The following CD22 variants were observed in gnomAD, a reference collection of about 807,000 sequenced individuals.
CD22 encodes CD22 molecule, also known as B-cell receptor CD22.
Under a neutral mutation model 94.7 loss-of-function variants are expected in CD22, and 51 were observed. The ratio of observed to expected loss-of-function variants is 0.54; its 90% CI spans 0.43 to 0.68. The LOEUF (loss-of-function observed/expected upper bound fraction) is 0.68, where lower values mean the gene tolerates loss of function less well. Among genes scored for constraint, CD22 ranks in the 30% least tolerant of loss-of-function variants. The pLI is 0.00. For synonymous variants in CD22, 424 were observed against 422.5 expected, an observed-to-expected ratio of 1.00 and a Z score of -0.04; for missense variants, 931 against 1,060.4, an observed-to-expected ratio of 0.88 and a Z score of 1.69.
chr19:35,341,524 A>C lies in CD22; in HGVS notation c.1689A>C (p.Pro563=). 2 of 1,614,140 alleles carry C rather than the reference A, an allele frequency of 1.2e-6. No individual in the cohort carries two copies. The highest frequency in any genetic ancestry group is 1.7e-6 in the Non-Finnish European group (2 of 1,180,026). The change falls in exon 8 of 14, where the codon CCA becomes CCC. Residue 563 remains proline, a synonymous_variant. Transcript: ENST00000085219. The surrounding 1 kb of genome is among the most constrained non-coding windows in gnomAD (Gnocchi z 4.0). ...ESQLNFDSIS[P]EDAGSYSCWV... is the part of the protein sequence containing the mutation. Reference sequence around the variant, plus strand: ...AGCTGAATTTTGACTCCATCTCCCCAGAAGATGCTGGGAGTTACAGCTGCT... The same window carrying C: ...AGCTGAATTTTGACTCCATCTCCCCCGAAGATGCTGGGAGTTACAGCTGCT...
At chr19:35,342,886 C>CT in intron 9 of CD22, among the ~76,000 whole-genome samples, 1 of 151,998 alleles carries the variant, frequency 6.6e-6, no homozygotes, top group Non-Finnish European at 1.5e-5. Flanking sequence ...TCACGGCTCA[C>CT]TGCAAGCTCT....
At chr19:35,342,137 C>T (rs1046258658) in intron 9 of CD22, among the ~76,000 whole-genome samples, 172 bp downstream of exon 9, 3 of 149,468 alleles carry the variant, frequency 2.0e-5, no homozygotes, top group Admixed American at 6.7e-5. Flanking sequence ...TGCTTTCTCC[C>T]TCTCCTCCTC....
At position 35,341,120 on chromosome 19, in the gene CD22, G is replaced by A; in HGVS notation, c.1489G>A (p.Val497Ile). 2 of 1,614,196 alleles carry A rather than the reference G, an allele frequency of 1.2e-6. No individual in the cohort carries two copies. The highest frequency in any genetic ancestry group is 1.7e-6 in the Non-Finnish European group (2 of 1,180,036). Residue 497 changes from valine (V) to isoleucine (I), a missense_variant, in exon 7 of 14, where the codon GTC becomes ATC. By Grantham distance (29) the Val-to-Ile change is conservative. Transcript: ENST00000085219. The surrounding 1 kb of genome is among the most constrained non-coding windows in gnomAD (Gnocchi z 4.0). The part of the protein sequence containing the change: ...CNSWCSWASP[V>I]ALNVQYAPRD... Reference sequence around the variant, plus strand: ...TAGTTGGTGCTCGTGGGCCTCCCCTGTCGCCCTGAATGTCCAGTGTGAGTC... The same window carrying A: ...TAGTTGGTGCTCGTGGGCCTCCCCTATCGCCCTGAATGTCCAGTGTGAGTC...
At chr19:35,334,165 G>A (rs995249342) in intron 3 of CD22, among the ~76,000 whole-genome samples, 2 of 152,168 alleles carry the variant, frequency 1.3e-5, no homozygotes, top group African/African-American at 4.8e-5. Context: ...GTGACCTCCC[G>A]ATCGTCAAAG....
At chr19:35,335,077 C>CAAAAA (rs35391333) in intron 3 of CD22, among the ~76,000 whole-genome samples, 29 of 73,660 alleles carry the variant, frequency 3.9e-4, no homozygotes, top group Non-Finnish European at 6.4e-4. Context: ...GACTCTGTCT[C>CAAAAA]AAAAAAAAAA....
rs751135932 is a variant in CD22, at chr19:35,346,138, C to T, written c.2328-13C>T. The T allele has an allele frequency of 1.2e-5, 19 of 1,605,354 alleles. No individual in the cohort carries two copies. The highest frequency in any genetic ancestry group is 3.3e-5 in the Admixed American group (2 of 59,980). ...TGCTTCATGCGTGGTCGTCTATCTG[C>T]CCTGTCTCTCAGAGATGCAGAGTCC... On this transcript the variant is annotated splice_polypyrimidine_tract_variant and intron_variant, in intron 12 of 13. Coordinates refer to ENST00000085219, the MANE Select transcript of CD22 (RefSeq NM_001771.4).
At chr19:35,339,071 C>CA (rs983596220) in intron 6 of CD22, among the ~76,000 whole-genome samples, 9 of 151,918 alleles carry the variant, frequency 5.9e-5, no homozygotes, top group East Asian at 2.0e-4. Flanking sequence ...ACCATCTCTA[C>CA]AAAAAAATAC....
At position 35,346,660 on chromosome 19, in the gene CD22, C is replaced by A; in HGVS notation, c.2507C>A (p.Ala836Glu). 6.2e-7 allele frequency: 1 copy of A among 1,609,596 alleles called. No homozygotes were observed. Among genetic ancestry groups the A allele is most frequent in the Non-Finnish European group, 8.5e-7 (1 of 1,177,932 alleles). Residue 836 changes from alanine (A) to glutamate (E), a missense_variant, in exon 14 of 14, where the codon GCA (alanine) becomes GAA (glutamate). Physicochemically the swap from Ala to Glu is moderately radical, Grantham distance 107. Coordinates refer to ENST00000085219, the MANE Select transcript of CD22 (RefSeq NM_001771.4). ...IQFGVGERPQAQENVDYVILK... is the reference protein window; with the variant it reads ...IQFGVGERPQEQENVDYVILK... ...TTTGGGGTCGGGGAGCGGCCTCAGG[C>A]ACAAGAAAATGTGGACTATGTGATC...
intron 6 of CD22, 152 bp downstream of exon 6, chr19:35,338,583 C>T: frequency 1.3e-6 from 1 of 754,050 alleles, no homozygotes; most frequent in Non-Finnish European, 2.1e-6. Flanking sequence ...CAGCTCCTAG[C>T]ATAGGGCCTG....
intron 6 of CD22, among the ~76,000 whole-genome samples, chr19:35,339,025 A>C (rs1599682221): frequency 6.6e-6 from 1 of 151,666 alleles, no homozygotes; most frequent in Non-Finnish European, 1.5e-5. Context: ...TCTTGAACCC[A>C]GGAGTTTGAA....
rs1458185805 is a variant in CD22 at position 35,337,559 on chromosome 19, C to T, written c.719-196C>T. Among the ~76,000 whole-genome samples the T allele has an allele frequency of 6.6e-6, 1 of 152,114 alleles. No individual in the cohort carries two copies. Among genetic ancestry groups the T allele is most frequent in the African/African-American group, 2.4e-5 (1 of 41,416 alleles). ...AGGTCTGGTAGATGGTGTTAGGAACCCTGCGTGCTGCTGGTGGAGACCAAG... is the reference window on the plus strand; with the variant it reads ...AGGTCTGGTAGATGGTGTTAGGAACTCTGCGTGCTGCTGGTGGAGACCAAG... On this transcript the variant is annotated intron_variant, in intron 4 of 13. Transcript: ENST00000085219. The surrounding 1 kb of genome is among the most constrained non-coding windows in gnomAD (Gnocchi z 4.4).
chr19:35,335,298 G>A (rs79629593), intron 3 of CD22, among the ~76,000 whole-genome samples: 65 of 152,270 alleles, frequency 4.3e-4, no homozygotes, highest in African/African-American at 1.5e-3. Flanking sequence ...GTTCCCGCCT[G>A]TAACCCCAGC....
chr19:35,331,811 C>T, intron 1 of CD22: 1 of 970,144 alleles, frequency 1.0e-6, no homozygotes, highest in Non-Finnish European at 1.4e-6. Context: ...CACACCACTG[C>T]ACTCTAGCCT....
intron 5 of CD22, 63 bp downstream of exon 5, chr19:35,338,084 G>C: frequency 1.9e-6 from 3 of 1,574,718 alleles, no homozygotes; most frequent in Admixed American, 1.7e-5. Flanking sequence ...CCCGGAGAGG[G>C]GAGCCACGGG....
rs369129095 is a variant in CD22 at position 35,341,565 on chromosome 19, T to C, written c.1730T>C (p.Ile577Thr). ...GSYSCWVNNS[I>T]GQTASKAWTL... ...TACAGCTGCTGGGTGAACAACTCCA[T>C]AGGACAGACAGCGTCCAAGGCCTGG... Residue 577 changes from isoleucine (I) to threonine (T), a missense_variant, in exon 8 of 14, where the codon ATA (isoleucine) becomes ACA (threonine). Physicochemically the swap from Ile to Thr is moderately conservative, Grantham distance 89 (BLOSUM62 -1). Transcript: ENST00000085219. This position sits in a 1 kb window ranked among gnomAD's most constrained non-coding sequence, Gnocchi z 4.0. The C allele has an allele frequency of 1.9e-6, 3 of 1,613,802 alleles. No homozygotes were observed. The highest frequency in any genetic ancestry group is 2.5e-6 in the Non-Finnish European group (3 of 1,179,916).
intron 9 of CD22, 59 bp downstream of exon 9, chr19:35,342,024 TC>T (rs2066819680): frequency 2.1e-6 from 2 of 960,302 alleles, no homozygotes; most frequent in Non-Finnish European, 2.9e-6. Context: ...CTTCCTTCCT[TC>T]CTTCCTTCCT....
At chr19:35,333,436 C>G (rs1286930001) in intron 3 of CD22, among the ~76,000 whole-genome samples, 1 of 152,194 alleles carries the variant, frequency 6.6e-6, no homozygotes, top group African/African-American at 2.4e-5. Flanking sequence ...GGCAGAGGCC[C>G]CAGACCTGTG....
rs745859309 is a variant in CD22 at position 35,342,009 on chromosome 19, C to CCTTCCTTT, written c.2035+51_2035+52insTCTTCCTT. 59 of 351,844 alleles carry CCTTCCTTT rather than the reference C, an allele frequency of 1.7e-4. No individual in the cohort carries two copies. The African/African-American group carries it at 6.7e-3, about 40-fold the overall frequency. 21.8% of individuals were successfully genotyped at this position (351,844 alleles called of 1,614,324 possible). A position where few individuals can be genotyped will look rare whatever the true frequency, so the allele number is the denominator to read the frequency against. ...CTTGTTCTTCTTGGTGGTGGTCAGT[C>CCTTCCTTT]CTTCCTTCCTTCCTTCCTTCCTTCC... is the stretch of plus-strand genomic sequence containing the variant. On this transcript the variant is annotated intron_variant, in intron 9 of 13. Coordinates refer to ENST00000085219, the MANE Select transcript of CD22 (RefSeq NM_001771.4).
At chr19:35,344,350 C>T (rs2066867153) in intron 9 of CD22, among the ~76,000 whole-genome samples, 1 of 152,232 alleles carries the variant, frequency 6.6e-6, no homozygotes, top group Admixed American at 6.5e-5. Flanking sequence ...GCCTGAGAGC[C>T]TCCTCTTTTT....
Sources: gnomAD v4.1 joint callset for allele counts (sites outside exome capture counted in the v4.1 genomes callset) on GRCh38, gnomAD v4.1.1 for gene constraint, Gnocchi (gnomAD v3.1) non-coding constraint, MANE v1.5 for transcripts, NCBI Gene and HGNC (gene_info 2026-07-23, HGNC 2026-07-21) for gene names.